KCNB2: variants seen among roughly 807,000 people sequenced by gnomAD.
KCNB2 encodes the protein delayed rectifier potassium channel protein.
KCNB2 carries 15 observed loss-of-function variants against 61.5 expected under a neutral mutation model. That is an observed-to-expected ratio of 0.24 (90% CI 0.16 to 0.38). KCNB2 has a LOEUF of 0.38. Ranked by LOEUF, KCNB2 falls within the 10% of genes least tolerant of loss-of-function variation. The pLI, the probability that KCNB2 is intolerant of heterozygous loss-of-function variation, is 1.00. For missense variants in KCNB2, 828 were observed against 1,125.2 expected (o/e 0.74, Z 3.78); for synonymous variants, 457 against 446.0 (o/e 1.02, Z -0.31).
rs116032588 is a variant in KCNB2, at chr8:72,569,253, C to T, written c.579+940C>T. Among the ~76,000 whole-genome samples the T allele has an allele frequency of 6.4e-3, 977 of 152,136 alleles. 11 individuals are homozygous for T. The highest frequency in any genetic ancestry group is 0.036 in the East Asian group (188 of 5,178). On this transcript the variant is annotated intron_variant, in intron 2 of 2. Coordinates refer to ENST00000523207, the MANE Select transcript of KCNB2 (RefSeq NM_004770.3). ...GTGCGTAATGGATGAAAATGGAGTA[C>T]GGAATGGAGAAGGGAAGAGTGTGTC...
chr8:72,799,320 C>A (rs1463846094), intron 2 of KCNB2, among the ~76,000 whole-genome samples: 1 of 152,132 alleles, frequency 6.6e-6, no homozygotes, highest in African/African-American at 2.4e-5. Flanking sequence ...TCCTGACCCC[C>A]ATCTAAAAAA....
At chr8:72,748,079 T>C (rs1337813832) in intron 2 of KCNB2, among the ~76,000 whole-genome samples, 3 of 152,130 alleles carry the variant, frequency 2.0e-5, no homozygotes, top group Non-Finnish European at 4.4e-5. Context: ...GATAGTAAGA[T>C]AATAAAAAAG....
chr8:72,663,127 A>C (rs895518898), intron 2 of KCNB2, among the ~76,000 whole-genome samples: 1 of 152,154 alleles, frequency 6.6e-6, no homozygotes, highest in African/African-American at 2.4e-5. Flanking sequence ...CAACATTATG[A>C]GATAGGTGCT....
intron 2 of KCNB2, among the ~76,000 whole-genome samples, chr8:72,620,596 G>GTATTT (rs1243396371): frequency 4.5e-4 from 69 of 152,140 alleles, no homozygotes; most frequent in African/African-American, 9.4e-4. Flanking sequence ...TTCCAGTACT[G>GTATTT]TATTTTATTT....
intron 2 of KCNB2, among the ~76,000 whole-genome samples, chr8:72,930,967 C>G (rs1196991227): frequency 6.6e-6 from 1 of 152,030 alleles, no homozygotes; most frequent in Non-Finnish European, 1.5e-5. Context: ...CTTGAATTAA[C>G]TTTTGTATAA....
chr8:72,817,048 C>T (rs764036660), intron 2 of KCNB2, among the ~76,000 whole-genome samples: 23 of 152,076 alleles, frequency 1.5e-4, no homozygotes, highest in Non-Finnish European at 2.6e-4. Context: ...TTTTTGTACA[C>T]CCTGATGTGT....
chr8:72,869,569 A>G (rs1438915068), intron 2 of KCNB2, among the ~76,000 whole-genome samples: 1 of 146,560 alleles, frequency 6.8e-6, no homozygotes, highest in East Asian at 1.9e-4. Context: ...TCCAAAGAAG[A>G]CACACAAATG....
chr8:72,586,035 G>A (rs950237713), intron 2 of KCNB2, among the ~76,000 whole-genome samples: 2 of 152,098 alleles, frequency 1.3e-5, no homozygotes, highest in Non-Finnish European at 2.9e-5. Context: ...TAATCCACCA[G>A]CATTCCTAAA....
intron 2 of KCNB2, among the ~76,000 whole-genome samples, chr8:72,927,565 C>T (rs1008196092): frequency 1.3e-5 from 2 of 152,176 alleles, no homozygotes; most frequent in African/African-American, 2.4e-5. Context: ...GCCACTGCAC[C>T]GACCCCCAAC....
At chr8:72,673,096 A>G (rs1277161399) in intron 2 of KCNB2, among the ~76,000 whole-genome samples, 1 of 152,230 alleles carries the variant, frequency 6.6e-6, no homozygotes, top group Non-Finnish European at 1.5e-5. Flanking sequence ...TCTGTACACC[A>G]ATATTCATAA....
At chr8:72,852,601 T>A (rs1484731305) in intron 2 of KCNB2, among the ~76,000 whole-genome samples, 2 of 152,238 alleles carry the variant, frequency 1.3e-5, no homozygotes, top group African/African-American at 2.4e-5. Flanking sequence ...CAGTGGATAA[T>A]CTACAACTGA....
Position 72,561,725 on chromosome 8 carries a change from A to ATGTG in KCNB2, c.-93-5916_-93-5915insGTGT, listed in dbSNP as rs1273535594. On this transcript the variant is annotated intron_variant, in intron 1 of 2. Coordinates refer to ENST00000523207, the MANE Select transcript of KCNB2 (RefSeq NM_004770.3). The stretch of plus-strand genomic sequence containing the variant: ...TATATATATATATATATATATATAT[A>ATGTG]TATCTATATCTATATATATATGTAT... 1.5e-3 allele frequency among the ~76,000 whole-genome samples: 43 copies of ATGTG among 28,324 alleles called. 2 individuals are homozygous for ATGTG. The highest frequency in any genetic ancestry group is 2.1e-3 in the Non-Finnish European group (35 of 16,668). The allele number at this position is 28,324 out of a possible 152,430, so 18.6% of individuals were successfully genotyped here.
At chr8:72,775,520 C>T (rs894159886) in intron 2 of KCNB2, among the ~76,000 whole-genome samples, 5 of 152,046 alleles carry the variant, frequency 3.3e-5, no homozygotes, top group South Asian at 2.1e-4. Flanking sequence ...TTTTTAAAAG[C>T]GTGTTCTGTA....
intron 2 of KCNB2, among the ~76,000 whole-genome samples, chr8:72,729,554 G>C (rs542325193): frequency 1.3e-5 from 2 of 152,274 alleles, no homozygotes; most frequent in South Asian, 4.1e-4. Context: ...GAAGTACGAA[G>C]ACAGTTGACA....
At chr8:72,573,971 C>T (rs1051081812) in intron 2 of KCNB2, among the ~76,000 whole-genome samples, 32 of 152,180 alleles carry the variant, frequency 2.1e-4, no homozygotes, top group Non-Finnish European at 2.8e-4. Flanking sequence ...AACAACATAG[C>T]ATAAGAGTTC....
chr8:72,805,054 C>T (rs1008535853), intron 2 of KCNB2, among the ~76,000 whole-genome samples: 6 of 152,192 alleles, frequency 3.9e-5, no homozygotes, highest in Admixed American at 6.5e-5. Context: ...ATCCCAGTTG[C>T]TCACTTACCA....
intron 2 of KCNB2, among the ~76,000 whole-genome samples, chr8:72,706,160 G>C (rs1807220441): frequency 1.3e-5 from 2 of 152,218 alleles, no homozygotes; most frequent in African/African-American, 4.8e-5. Flanking sequence ...ATAGAGTGCA[G>C]GTATCTGTTG....
intron 2 of KCNB2, among the ~76,000 whole-genome samples, chr8:72,871,399 G>C (rs1805612646): frequency 6.6e-6 from 1 of 152,164 alleles, no homozygotes; most frequent in South Asian, 2.1e-4. Context: ...ATTGTGAAAA[G>C]CATTATAAAG....
At chr8:72,703,158 A>G (rs377403748) in intron 2 of KCNB2, among the ~76,000 whole-genome samples, 2 of 152,300 alleles carry the variant, frequency 1.3e-5, no homozygotes, top group African/African-American at 2.4e-5. Flanking sequence ...TAGCTATGCC[A>G]TTTTCTCCAT....
Sources: allele counts gnomAD v4.1 joint callset (sites outside exome capture counted in the v4.1 genomes callset), GRCh38; gene constraint gnomAD v4.1.1; transcripts MANE v1.5; gene names NCBI Gene and HGNC (gene_info 2026-07-23, HGNC 2026-07-21).